The following COX14 variants were observed in gnomAD, a reference collection of about 807,000 sequenced individuals.
COX14 encodes the protein cytochrome c oxidase assembly protein COX14.
A neutral mutation model predicts 5.8 loss-of-function variants in COX14; 3 were observed. That is an observed-to-expected ratio of 0.51 (90% confidence interval 0.23 to 1.33). COX14 has a LOEUF of 1.33. Ranked by LOEUF, COX14 falls within the 40% of genes most tolerant of loss-of-function variation. COX14 has a pLI of 0.18. For synonymous variants in COX14, 25 were observed against 26.1 expected (o/e 0.96, Z 0.13); for missense variants, 72 against 72.1 (o/e 1.00, Z 0.01).
intron 1 of COX14, among the ~76,000 whole-genome samples, chr12:50,115,045 C>A (rs1425750959): frequency 2.0e-5 from 3 of 146,868 alleles, no homozygotes; most frequent in African/African-American, 7.5e-5. Flanking sequence ...GGATTACAGG[C>A]GTGAGCCACC....
In COX14 at chr12:50,120,036, G is replaced by T. The variant is rs1565753760; in HGVS notation, c.-8G>T. 1.6e-5 allele frequency: 26 copies of T among 1,613,488 alleles called. No homozygotes were observed. Among genetic ancestry groups the T allele is most frequent in the Non-Finnish European group, 2.2e-5 (26 of 1,179,428 alleles). On this transcript the variant is annotated splice_region_variant and 5_prime_UTR_variant, in exon 2 of 2. Transcript: ENST00000550487. ...GTCTAAATTCAATCTGTCTTTGTAG[G>T]GGACAAGATGCCAACTGGCAAGCAG...
At chr12:50,113,801 T>C (rs1021280239) in intron 1 of COX14, among the ~76,000 whole-genome samples, 3 of 151,838 alleles carry the variant, frequency 2.0e-5, no homozygotes, top group African/African-American at 7.3e-5. Flanking sequence ...CCTGGCTAAT[T>C]TTTGTATTTT....
intron 1 of COX14, among the ~76,000 whole-genome samples, chr12:50,114,794 T>C (rs1951064821): frequency 7.4e-6 from 1 of 134,386 alleles, no homozygotes; most frequent in Non-Finnish European, 1.6e-5. Context: ...TTTTTTTTTT[T>C]TTTTTTTGAG....
At chr12:50,115,361 C>A (rs1334219573) in intron 1 of COX14, among the ~76,000 whole-genome samples, 3 of 150,144 alleles carry the variant, frequency 2.0e-5, no homozygotes, top group African/African-American at 4.9e-5. Flanking sequence ...ACTACAGGCA[C>A]CCGCCACCAT....
rs975602436 is a variant in COX14 at position 50,112,565 on chromosome 12, C to CA, written c.-9+265dup. 3.6e-5 allele frequency: 26 copies of CA among 728,120 alleles called. No individual in the cohort carries two copies. In the African/African-American group the frequency reaches 5.0e-4, roughly 14 times the overall value. 45.1% of individuals were successfully genotyped at this position (728,120 alleles called of 1,614,324 possible). Reference sequence around the variant, plus strand: ...ACTCCTGCCTGGCGTCTCGACCCTCCACGCTCCAACTCTGCCTCTTCCTTG... The same window carrying CA: ...ACTCCTGCCTGGCGTCTCGACCCTCCAACGCTCCAACTCTGCCTCTTCCTTG... On this transcript the variant is annotated intron_variant, in intron 1 of 1. Transcript: ENST00000550487.
In COX14 at chr12:50,120,397, C is replaced by A. The variant is rs796898557; in HGVS notation, c.*180C>A. The A allele has an allele frequency of 1.2e-5, 7 of 583,930 alleles. No homozygotes were observed. The highest frequency in any genetic ancestry group is 4.7e-5 in the South Asian group (2 of 42,920). The allele number at this position is 583,930 out of a possible 1,614,324, so 36.2% of individuals were successfully genotyped here. On this transcript the variant is annotated 3_prime_UTR_variant, in exon 2 of 2. Coordinates refer to ENST00000550487, the MANE Select transcript of COX14 (RefSeq NM_032901.4). ...TGACAGTTTATGGAGGCTTTTGAATCGTAATAGCAATGTGAGGGTGAGGTA... is the reference window on the plus strand; with the variant it reads ...TGACAGTTTATGGAGGCTTTTGAATAGTAATAGCAATGTGAGGGTGAGGTA...
intron 1 of COX14, among the ~76,000 whole-genome samples, chr12:50,113,313 T>A (rs1951047444): frequency 6.6e-6 from 1 of 151,978 alleles, no homozygotes; most frequent in African/African-American, 2.4e-5. Context: ...ATTTTTTTTT[T>A]TTTTTTTTGA....
intron 1 of COX14, among the ~76,000 whole-genome samples, 182 bp from the exon 2 acceptor site, chr12:50,119,854 T>C (rs1951114426): frequency 6.6e-6 from 1 of 152,174 alleles, no homozygotes; most frequent in Admixed American, 6.6e-5. Context: ...TTTTGAATCA[T>C]AGAGTTCCTA....
intron 1 of COX14, among the ~76,000 whole-genome samples, chr12:50,113,359 C>T (rs975329347): frequency 1.3e-5 from 2 of 149,494 alleles, no homozygotes; most frequent in Admixed American, 6.7e-5. Flanking sequence ...GCTGGGGTCC[C>T]GTGGCGGGAT....
chr12:50,117,583 T>C (rs1342529639), intron 1 of COX14, among the ~76,000 whole-genome samples: 11 of 142,548 alleles, frequency 7.7e-5, no homozygotes, highest in South Asian at 4.3e-4. Context: ...TTCTGTCTCT[T>C]TTTTTTTTTT....
chr12:50,116,961 G>T (rs1264002210), intron 1 of COX14, among the ~76,000 whole-genome samples: 1 of 152,134 alleles, frequency 6.6e-6, no homozygotes, highest in African/African-American at 2.4e-5. Flanking sequence ...TTACATGTCT[G>T]TACCCATGTC....
chr12:50,116,968 T>C (rs1007922259), intron 1 of COX14, among the ~76,000 whole-genome samples: 6 of 152,214 alleles, frequency 3.9e-5, no homozygotes, highest in Non-Finnish European at 8.8e-5. Flanking sequence ...TCTGTACCCA[T>C]GTCTGACCCC....
chr12:50,119,758 G>A (rs1458202559), intron 1 of COX14, among the ~76,000 whole-genome samples: 1 of 152,240 alleles, frequency 6.6e-6, no homozygotes, highest in Admixed American at 6.5e-5. Flanking sequence ...CACAGGCATG[G>A]AAGGCCAAAT....
intron 1 of COX14, among the ~76,000 whole-genome samples, chr12:50,116,663 C>T (rs1326718025): frequency 6.6e-6 from 1 of 152,210 alleles, no homozygotes; most frequent in African/African-American, 2.4e-5. Context: ...TTGAAGGCTG[C>T]AGGGCTCTTT....
chr12:50,116,311 T>C (rs949758022), intron 1 of COX14, among the ~76,000 whole-genome samples: 2 of 152,294 alleles, frequency 1.3e-5, no homozygotes. Context: ...CAGGCTGGTC[T>C]CGAACTCCTG....
At position 50,120,117 on chromosome 12, in the gene COX14, A is replaced by G. The variant is rs143095605; in HGVS notation, c.74A>G (p.Tyr25Cys). ...ACCTCCATGATGCTTCTCACTGTGT[A>G]TGGGGGGTACCTCTGCAGTGTCCGA... is the stretch of plus-strand genomic sequence containing the variant. ...FSTSMMLLTV[Y>C]GGYLCSVRVY... Residue 25 changes from tyrosine (Y) to cysteine (C), a missense_variant, in exon 2 of 2, where the codon TAT becomes TGT. By Grantham distance (194) the Tyr-to-Cys change is radical. Coordinates refer to ENST00000550487, the MANE Select transcript of COX14 (RefSeq NM_032901.4). 128 of 1,613,910 alleles carry G rather than the reference A, an allele frequency of 7.9e-5. No homozygotes were observed. The highest frequency in any genetic ancestry group is 1.0e-4 in the Non-Finnish European group (118 of 1,179,862).
rs1045241104 is a variant in COX14, at chr12:50,112,391, T to TC, written c.-9+94dup. 5 of 985,550 alleles carry TC rather than the reference T, an allele frequency of 5.1e-6. No homozygotes were observed. The African/African-American group carries it at 8.7e-5, about 17-fold the overall frequency. 61.1% of individuals were successfully genotyped at this position (985,550 alleles called of 1,614,324 possible). On this transcript the variant is annotated intron_variant, in intron 1 of 1. Transcript: ENST00000550487. ...AGTCTCCGCTTGCCGCGTCCTCCCA[T>TC]CCCCTAGTCTGCAGGCCTGGTGCCC... is the stretch of plus-strand genomic sequence containing the variant.
chr12:50,114,714 T>G (rs1951063217), intron 1 of COX14, among the ~76,000 whole-genome samples: 1 of 151,766 alleles, frequency 6.6e-6, no homozygotes, highest in South Asian at 2.1e-4. Context: ...TATCTAAATT[T>G]GTATTTCCAT....
At position 50,120,292 on chromosome 12, in the gene COX14, A is replaced by G. The variant is rs966382800; in HGVS notation, c.*75A>G. 2.3e-6 allele frequency: 3 copies of G among 1,278,922 alleles called. No individual in the cohort carries two copies. The highest frequency in any genetic ancestry group is 1.5e-5 in the African/African-American group (1 of 67,202). The allele number at this position is 1,278,922 out of a possible 1,614,324, so 79.2% of individuals were successfully genotyped here. On this transcript the variant is annotated 3_prime_UTR_variant, in exon 2 of 2. Coordinates refer to ENST00000550487, the MANE Select transcript of COX14 (RefSeq NM_032901.4). ...AGAGACTTCACCTGCCACCATTTCCAGGTCAACAGGACTAGAGCGTTGATG... is the reference window on the plus strand; with the variant it reads ...AGAGACTTCACCTGCCACCATTTCCGGGTCAACAGGACTAGAGCGTTGATG...
Sources: allele counts gnomAD v4.1 joint callset (sites outside exome capture counted in the v4.1 genomes callset), GRCh38; gene constraint gnomAD v4.1.1; transcripts MANE v1.5; gene names NCBI Gene and HGNC (gene_info 2026-07-23, HGNC 2026-07-21).